Variants in LEPR observed in about 807,000 individuals in gnomAD.
LEPR encodes leptin receptor.
A neutral mutation model predicts 114.7 loss-of-function variants in LEPR; 56 were observed. The observed-to-expected ratio is 0.49, with a 90% CI of 0.39 to 0.61. The LOEUF is 0.61. LEPR is among the 20% of genes least tolerant of loss of function. The probability of loss-of-function intolerance (pLI) is 0.00; values close to 1 mark genes in which losing one functional copy is unlikely to be tolerated. For synonymous variants in LEPR, 443 were observed against 461.4 expected (o/e 0.96, Z 0.51); for missense variants, 1,202 against 1,352.9 (o/e 0.89, Z 1.75).
chr1:65,555,158 G>A (rs899487079), intron 2 of LEPR, among the ~76,000 whole-genome samples: 1 of 152,078 alleles, frequency 6.6e-6, no homozygotes, highest in Non-Finnish European at 1.5e-5. Context: ...TTCCTATTCA[G>A]CCATCTTGCC....
At chr1:65,547,541 T>C (rs1357311075) in intron 2 of LEPR, among the ~76,000 whole-genome samples, 4 of 151,722 alleles carry the variant, frequency 2.6e-5, no homozygotes, top group Non-Finnish European at 5.9e-5. Context: ...CTTGGGAGAG[T>C]GTATGTGTCG....
chr1:65,510,440 T>C (rs1056660212), intron 2 of LEPR, among the ~76,000 whole-genome samples: 2 of 152,158 alleles, frequency 1.3e-5, no homozygotes, highest in African/African-American at 4.8e-5. Context: ...TAGAAGGGAC[T>C]CAGAACCTAG....
chr1:65,434,783 T>C, intron 2 of LEPR: 1 of 985,458 alleles, frequency 1.0e-6, no homozygotes, highest in African/African-American at 1.7e-5. Context: ...ACCTTCCCAC[T>C]GGGCTCCATC....
chr1:65,548,960 C>T (rs1652031707), intron 2 of LEPR, among the ~76,000 whole-genome samples: 3 of 152,302 alleles, frequency 2.0e-5, no homozygotes, highest in African/African-American at 7.2e-5. Context: ...TTGTTCCTTT[C>T]CATGTTTAGT....
At chr1:65,622,403 T>C (rs1657941606) in intron 18 of LEPR, among the ~76,000 whole-genome samples, 1 of 152,058 alleles carries the variant, frequency 6.6e-6, no homozygotes, top group Non-Finnish European at 1.5e-5. Flanking sequence ...GGCAAATGCC[T>C]GAGTTCCGTG....
rs561785309 is a variant in LEPR at position 65,452,490 on chromosome 1, G to T, written c.-21+27112G>T. ...TTTATTGAGAGTTTTTAGCATGAAG[G>T]GTTGTTGAATTTTGTCAAATGCCTT... On this transcript the variant is annotated intron_variant, in intron 2 of 19. Coordinates refer to ENST00000349533, the MANE Select transcript of LEPR (RefSeq NM_002303.6). 5.9e-3 allele frequency among the ~76,000 whole-genome samples: 898 copies of T among 151,032 alleles called. 9 individuals carry two copies. The highest frequency in any genetic ancestry group is 0.021 in the African/African-American group (854 of 40,968).
intron 5 of LEPR, among the ~76,000 whole-genome samples, chr1:65,574,917 G>A (rs1654471525): frequency 1.3e-5 from 2 of 152,146 alleles, no homozygotes; most frequent in African/African-American, 2.4e-5. Flanking sequence ...GGAGCGGAAG[G>A]AGAGGTTGCC....
intron 2 of LEPR, among the ~76,000 whole-genome samples, chr1:65,455,098 T>G (rs1480755409): frequency 6.6e-6 from 1 of 152,228 alleles, no homozygotes; most frequent in Non-Finnish European, 1.5e-5. Flanking sequence ...TTCTGCCTTC[T>G]TCACGTAGTT....
intron 2 of LEPR, among the ~76,000 whole-genome samples, chr1:65,438,548 C>CAA (rs1159617552): frequency 3.6e-3 from 244 of 67,648 alleles, no homozygotes; most frequent in East Asian, 9.2e-3. Flanking sequence ...GACTCTGTCT[C>CAA]AAAAAAAAAA....
intron 2 of LEPR, among the ~76,000 whole-genome samples, chr1:65,442,543 G>A (rs1239716117): frequency 6.6e-6 from 1 of 152,118 alleles, no homozygotes; most frequent in East Asian, 1.9e-4. Flanking sequence ...CTTGGGCCTT[G>A]GTCATTTATA....
intron 2 of LEPR, among the ~76,000 whole-genome samples, chr1:65,460,684 C>T (rs1646933883): frequency 1.3e-5 from 2 of 151,956 alleles, no homozygotes; most frequent in African/African-American, 4.8e-5. Flanking sequence ...TGGTGAAACC[C>T]CGTCTCTACT....
chr1:65,569,009 T>C (rs1202753101), intron 3 of LEPR, among the ~76,000 whole-genome samples: 1 of 152,258 alleles, frequency 6.6e-6, no homozygotes, highest in Non-Finnish European at 1.5e-5. Context: ...GCCTTCTTTT[T>C]AATGGGATTA....
At chr1:65,450,328 A>G (rs977679381) in intron 2 of LEPR, among the ~76,000 whole-genome samples, 2 of 151,640 alleles carry the variant, frequency 1.3e-5, no homozygotes, top group African/African-American at 4.9e-5. Flanking sequence ...CACATTGTGC[A>G]GGTTAGTTAC....
At chr1:65,583,165 C>T (rs1655102765) in intron 5 of LEPR, among the ~76,000 whole-genome samples, 1 of 152,152 alleles carries the variant, frequency 6.6e-6, no homozygotes, top group Non-Finnish European at 1.5e-5. Flanking sequence ...ATTCCCAGAA[C>T]ATGGCACAGA....
At chr1:65,431,953 T>C in intron 2 of LEPR, 1 of 1,604,426 alleles carries the variant, frequency 6.2e-7, no homozygotes, top group Non-Finnish European at 8.5e-7. Context: ...TTGAATTTCT[T>C]AGAACTCATA....
chr1:65,634,518 CAT>C (rs1401537792), intron 19 of LEPR: 8 of 943,480 alleles, frequency 8.5e-6, no homozygotes, highest in Admixed American at 6.2e-5. Flanking sequence ...ACTGACAAAA[CAT>C]ATTTCAATAG....
At chr1:65,624,663 A>T (rs990769189) in intron 19 of LEPR, among the ~76,000 whole-genome samples, 1 of 152,228 alleles carries the variant, frequency 6.6e-6, no homozygotes, top group African/African-American at 2.4e-5. Context: ...CTTGCTTGAA[A>T]TAGAATGTTT....
Position 65,432,264 on chromosome 1 carries a change from C to T in LEPR, c.-21+6886C>T, listed in dbSNP as rs550016361. On this transcript the variant is annotated intron_variant, in intron 2 of 19. Coordinates refer to ENST00000349533, the MANE Select transcript of LEPR (RefSeq NM_002303.6). Reference sequence around the variant, plus strand: ...GGGATGTGCTTGGAGAGGCAGATAACGCTGAAGCAGGCCTCTCATGACCCA... The same window carrying T: ...GGGATGTGCTTGGAGAGGCAGATAATGCTGAAGCAGGCCTCTCATGACCCA... 3.5e-3 allele frequency: 3,463 copies of T among 1,002,250 alleles called. 4 individuals are homozygous for T. Among genetic ancestry groups the T allele is most frequent in the Admixed American group, 6.9e-3 (119 of 17,326 alleles). 62.1% of individuals were successfully genotyped at this position (1,002,250 alleles called of 1,614,324 possible).
intron 5 of LEPR, among the ~76,000 whole-genome samples, chr1:65,574,076 C>T (rs1654402456): frequency 6.6e-6 from 1 of 152,056 alleles, no homozygotes; most frequent in African/African-American, 2.4e-5. Context: ...TTGGTAGGTA[C>T]ATAATGTCAT....
Sources: allele counts gnomAD v4.1 joint callset (sites outside exome capture counted in the v4.1 genomes callset), GRCh38; gene constraint gnomAD v4.1.1; transcripts MANE v1.5; gene names NCBI Gene and HGNC (gene_info 2026-07-23, HGNC 2026-07-21).